Variants in NMS observed in about 807,000 individuals in gnomAD.
The protein encoded by NMS is neuromedin S.
In NMS, 30 loss-of-function variants were observed where a neutral mutation model predicts 32.2. That is an observed-to-expected ratio of 0.93 (90% confidence interval 0.70 to 1.26). The LOEUF (loss-of-function observed/expected upper bound fraction) is 1.26, where lower values mean the gene tolerates loss of function less well. NMS is among the 50% of genes most tolerant of loss of function. The pLI is 0.00. For synonymous variants in NMS, 76 were observed against 58.5 expected, an observed-to-expected ratio of 1.30 and a Z score of -1.37; for missense variants, 190 against 186.3, an observed-to-expected ratio of 1.02 and a Z score of -0.12.
At chr2:100,476,888 A>C (rs1269173596) in intron 3 of NMS, among the ~76,000 whole-genome samples, 1 of 152,062 alleles carries the variant, frequency 6.6e-6, no homozygotes, top group Non-Finnish European at 1.5e-5. Flanking sequence ...ACTAGAATAC[A>C]CTCTGCGGCA....
intron 8 of NMS, among the ~76,000 whole-genome samples, chr2:100,481,644 A>T (rs992279050): frequency 6.6e-6 from 1 of 152,198 alleles, no homozygotes; most frequent in Non-Finnish European, 1.5e-5. Context: ...TGCACAGAAA[A>T]AATGAGCAAA....
chr2:100,482,282 G>A lies in NMS; in HGVS notation c.420G>A (p.Arg140=), dbSNP rs749723455. 4 of 1,613,884 alleles carry A rather than the reference G, an allele frequency of 2.5e-6. No homozygotes were observed. In the South Asian group the frequency reaches 4.4e-5, roughly 18 times the overall value. Residue 140 remains arginine (R), a synonymous_variant, in exon 9 of 10, where the codon AGG becomes AGA. Coordinates refer to ENST00000376865, the MANE Select transcript of NMS (RefSeq NM_001011717.1). The part of the protein sequence containing the change: ...WGRPFFLFRP[R]NGRNIEDEAQ... ...GTTGCTCCTTTTTTTTTCAGCCCAGGAATGGAAGAAACATTGAAGATGAGG... is the reference window on the plus strand; with the variant it reads ...GTTGCTCCTTTTTTTTTCAGCCCAGAAATGGAAGAAACATTGAAGATGAGG...
intron 3 of NMS, among the ~76,000 whole-genome samples, chr2:100,475,561 A>C (rs1402979358): frequency 2.0e-5 from 3 of 152,216 alleles, no homozygotes; most frequent in Admixed American, 6.5e-5. Flanking sequence ...ATATATATTT[A>C]TTGACAGCAT....
In NMS at chr2:100,477,265, A is replaced by C. The variant is rs750027049; in HGVS notation, c.205A>C (p.Arg69=). The change falls in exon 4 of 10, where the codon AGG becomes CGG. Residue 69 remains arginine, a splice_region_variant and synonymous_variant. Coordinates refer to ENST00000376865, the MANE Select transcript of NMS (RefSeq NM_001011717.1). ...CCAGGATAATCAAGACATATACAAA[A>C]GGGTGAGTACCACCTAGCCCTGTAC... ...QPKDNQDIYK[R]FLFHYSRTQE... is the part of the protein sequence containing the mutation. 6.8e-6 allele frequency: 11 copies of C among 1,613,580 alleles called. No individual in the cohort carries two copies. Among genetic ancestry groups the C allele is most frequent in the Non-Finnish European group, 9.3e-6 (11 of 1,179,506 alleles).
intron 8 of NMS, among the ~76,000 whole-genome samples, chr2:100,481,400 A>G (rs569835494): frequency 6.6e-6 from 1 of 152,234 alleles, no homozygotes; most frequent in Admixed American, 6.5e-5. Flanking sequence ...GGCGTAAGGG[A>G]GTTCTTCTGA....
chr2:100,479,501 A>G, intron 6 of NMS, 74 bp downstream of exon 6: 1 of 1,288,440 alleles, frequency 7.8e-7, no homozygotes, highest in Admixed American at 2.0e-5. Flanking sequence ...GCATGCTGTC[A>G]CCTTGGGGCT....
intron 3 of NMS, among the ~76,000 whole-genome samples, chr2:100,476,473 T>C (rs1490920920): frequency 6.6e-6 from 1 of 152,218 alleles, no homozygotes; most frequent in Non-Finnish European, 1.5e-5. Context: ...AAAGATGTAA[T>C]TGTATTCACA....
chr2:100,481,796 C>A (rs1677221306), intron 8 of NMS, among the ~76,000 whole-genome samples: 1 of 152,216 alleles, frequency 6.6e-6, no homozygotes, highest in Non-Finnish European at 1.5e-5. Context: ...CCATCACAGG[C>A]TGTAAGAAGT....
chr2:100,479,048 G>T lies in NMS; in HGVS notation c.262-305G>T, dbSNP rs139480792. 1.1e-4 allele frequency among the ~76,000 whole-genome samples: 17 copies of T among 152,278 alleles called. No individual in the cohort carries two copies. The East Asian group carries it at 3.3e-3, about 29-fold the overall frequency. The stretch of plus-strand genomic sequence containing the variant: ...AGGGAGAAAGAATACATGTGGAGCT[G>T]CTTCTAGGACAAGGCGCTCCGCTCC... On this transcript the variant is annotated intron_variant, in intron 5 of 9. Transcript: ENST00000376865.
At chr2:100,478,918 T>G (rs1223630969) in intron 5 of NMS, among the ~76,000 whole-genome samples, 2 of 152,190 alleles carry the variant, frequency 1.3e-5, no homozygotes, top group African/African-American at 4.8e-5. Context: ...TACACCTGGG[T>G]ACGCACGGCA....
At chr2:100,479,092 G>T (rs1009833955) in intron 5 of NMS, among the ~76,000 whole-genome samples, 6 of 152,176 alleles carry the variant, frequency 3.9e-5, no homozygotes, top group African/African-American at 1.4e-4. Flanking sequence ...AGTGCTGAGG[G>T]TTAATGCAGA....
At chr2:100,481,203 C>A (rs151299027) in intron 8 of NMS, 36 bp downstream of exon 8, 3 of 1,597,474 alleles carry the variant, frequency 1.9e-6, no homozygotes, top group Non-Finnish European at 2.6e-6. Context: ...TTTCTAACCT[C>A]GATTCACTGC....
intron 6 of NMS, among the ~76,000 whole-genome samples, chr2:100,479,766 C>T (rs146139325): frequency 3.2e-4 from 49 of 152,330 alleles, no homozygotes; most frequent in East Asian, 1.4e-3. Context: ...TGACACGAAA[C>T]GCCCTGGCGA....
At chr2:100,477,513 G>C (rs1240491629) in intron 5 of NMS, 99 bp downstream of exon 5, 3 of 836,850 alleles carry the variant, frequency 3.6e-6, no homozygotes, top group African/African-American at 3.4e-5. Flanking sequence ...AAAGCTGGGG[G>C]CTCCGGACAT....
intron 7 of NMS, 99 bp downstream of exon 7, chr2:100,480,630 C>A: frequency 1.7e-6 from 2 of 1,169,332 alleles, no homozygotes; most frequent in Non-Finnish European, 2.5e-6. Flanking sequence ...CCCTCCAGAC[C>A]AGTTCTGGGC....
At chr2:100,482,196 A>G (rs1387804593) in intron 8 of NMS, 81 bp from the exon 9 acceptor site, 3 of 1,385,780 alleles carry the variant, frequency 2.2e-6, no homozygotes, top group South Asian at 1.2e-5. Flanking sequence ...CTTAGGGTTC[A>G]ACAGAGAGAA....
chr2:100,479,475 T>C lies in NMS; in HGVS notation c.336+48T>C, dbSNP rs532215098. ...CATAGTTTATGCCCCTCACAGTTCA[T>C]TGAATCGTGGTAAAAGCATGCTGTC... On this transcript the variant is annotated intron_variant, in intron 6 of 9. Transcript: ENST00000376865. 1.9e-5 allele frequency: 28 copies of C among 1,493,270 alleles called. No individual in the cohort carries two copies. The South Asian group carries it at 2.4e-4, about 13-fold the overall frequency. The allele number at this position is 1,493,270 out of a possible 1,614,324, so 92.5% of individuals were successfully genotyped here.
chr2:100,479,320 C>T (rs1677171265), intron 5 of NMS, 33 bp from the exon 6 acceptor site: 1 of 1,555,754 alleles, frequency 6.4e-7, no homozygotes, highest in African/African-American at 1.4e-5. Flanking sequence ...GGATGTCCCC[C>T]TGTCTGACCC....
intron 7 of NMS, 24 bp downstream of exon 7, chr2:100,480,555 C>T (rs779758515): frequency 2.3e-5 from 37 of 1,611,772 alleles, no homozygotes; most frequent in Non-Finnish European, 2.8e-5. Flanking sequence ...TTGGAGACTG[C>T]GACCCCCAAA....
Sources: gnomAD v4.1 joint callset for allele counts (sites outside exome capture counted in the v4.1 genomes callset) on GRCh38, gnomAD v4.1.1 for gene constraint, MANE v1.5 for transcripts, NCBI Gene and HGNC (gene_info 2026-07-23, HGNC 2026-07-21) for gene names.